EML4: variants seen among roughly 807,000 people sequenced by gnomAD.
EML4 encodes the protein echinoderm microtubule-associated protein-like 4.
In EML4, 72 loss-of-function variants were observed where a neutral mutation model predicts 129.0. That is an observed-to-expected ratio of 0.56 (90% confidence interval 0.46 to 0.68). EML4 has a LOEUF of 0.68. Ranked by LOEUF, EML4 falls within the 30% of genes least tolerant of loss-of-function variation. The pLI, the probability that EML4 is intolerant of heterozygous loss-of-function variation, is 0.00. For missense variants in EML4, 1,363 were observed against 1,190.6 expected, an observed-to-expected ratio of 1.14 and a Z score of -2.13; for synonymous variants, 532 against 405.0, an observed-to-expected ratio of 1.31 and a Z score of -3.77.
chr2:42,244,007 CAGTT>C (rs60130146), intron 1 of EML4, among the ~76,000 whole-genome samples: 92,131 of 151,356 alleles, frequency 0.61, 28,450 homozygotes, highest in East Asian at 0.73. Flanking sequence ...GTGTTTTTAA[CAGTT>C]AGTTATTTCC....
chr2:42,294,254 T>C (rs542966394), intron 11 of EML4, among the ~76,000 whole-genome samples: 21 of 152,368 alleles, frequency 1.4e-4, no homozygotes, highest in African/African-American at 4.6e-4. Context: ...TGCCTGTCTT[T>C]GCTAGATTTT....
At chr2:42,301,593 A>G (rs776037020) in intron 14 of EML4, among the ~76,000 whole-genome samples, 12 of 151,892 alleles carry the variant, frequency 7.9e-5, no homozygotes, top group African/African-American at 2.2e-4. Context: ...TTGAAAGACT[A>G]TTTTTAAAGA....
intron 1 of EML4, among the ~76,000 whole-genome samples, chr2:42,220,903 C>T (rs183090868): frequency 1.3e-5 from 2 of 152,266 alleles, no homozygotes; most frequent in Admixed American, 1.3e-4. Flanking sequence ...TAAGCCAAAG[C>T]CTAATCCAGA....
At chr2:42,197,574 AAAAC>A (rs373593933) in intron 1 of EML4, among the ~76,000 whole-genome samples, 11 of 152,172 alleles carry the variant, frequency 7.2e-5, no homozygotes, top group Non-Finnish European at 1.5e-4. Flanking sequence ...TCAGAAAAAA[AAAAC>A]AAAATGGTGT....
At chr2:42,238,710 G>A (rs1342298128) in intron 1 of EML4, among the ~76,000 whole-genome samples, 1 of 151,926 alleles carries the variant, frequency 6.6e-6, no homozygotes, top group African/African-American at 2.4e-5. Context: ...CTTGAACTGG[G>A]CTCAGACAAT....
intron 1 of EML4, among the ~76,000 whole-genome samples, chr2:42,204,155 A>G (rs559017522): frequency 7.4e-4 from 112 of 152,246 alleles, no homozygotes; most frequent in African/African-American, 2.5e-3. Context: ...CCTGGGCTCA[A>G]GTGATCCTCC....
chr2:42,227,346 A>C (rs780722860), intron 1 of EML4, among the ~76,000 whole-genome samples: 1 of 152,018 alleles, frequency 6.6e-6, no homozygotes, highest in South Asian at 2.1e-4. Context: ...GCCTCAAGCA[A>C]TGCTCCCACC....
intron 1 of EML4, among the ~76,000 whole-genome samples, chr2:42,214,476 T>C (rs558995070): frequency 6.6e-6 from 1 of 152,098 alleles, no homozygotes. Flanking sequence ...TGAAAATGAA[T>C]GTATTGCTAA....
At chr2:42,318,298 G>T (rs892763685) in intron 19 of EML4, among the ~76,000 whole-genome samples, 2 of 152,156 alleles carry the variant, frequency 1.3e-5, no homozygotes, top group Non-Finnish European at 2.9e-5. Context: ...ACAGATAAAA[G>T]AATTAGTTTT....
chr2:42,304,634 G>T, intron 17 of EML4, 83 bp downstream of exon 17: 1 of 1,028,550 alleles, frequency 9.7e-7, no homozygotes, highest in Admixed American at 1.7e-5. Context: ...CTGATCTGGA[G>T]AATTAATCTC....
intron 10 of EML4, among the ~76,000 whole-genome samples, 183 bp from the exon 11 acceptor site, chr2:42,288,044 C>G (rs754512998): frequency 6.6e-6 from 1 of 152,028 alleles, no homozygotes; most frequent in Non-Finnish European, 1.5e-5. Flanking sequence ...GTAAAAGAAT[C>G]TTTATATTTT....
chr2:42,303,545 C>A, intron 16 of EML4, 99 bp downstream of exon 16: 2 of 1,315,230 alleles, frequency 1.5e-6, no homozygotes, highest in Non-Finnish European at 2.1e-6. Context: ...TTGATTCAAA[C>A]CAAATGTAAA....
intron 10 of EML4, among the ~76,000 whole-genome samples, chr2:42,287,244 G>A (rs1667357604): frequency 6.6e-6 from 1 of 152,128 alleles, no homozygotes; most frequent in Non-Finnish European, 1.5e-5. Context: ...CTAGCTTGAA[G>A]GCACTGAATG....
At chr2:42,197,042 G>A (rs1394142889) in intron 1 of EML4, among the ~76,000 whole-genome samples, 1 of 152,128 alleles carries the variant, frequency 6.6e-6, no homozygotes, top group Non-Finnish European at 1.5e-5. Flanking sequence ...AGGAATCAAA[G>A]TAAATGTTGG....
chr2:42,216,670 CAT>C (rs1673212738), intron 1 of EML4, among the ~76,000 whole-genome samples: 3 of 152,128 alleles, frequency 2.0e-5, no homozygotes, highest in Admixed American at 2.0e-4. Flanking sequence ...GTAATTAAAA[CAT>C]GTTTTGAATG....
Position 42,329,897 on chromosome 2 carries a change from C to G in EML4, c.2636C>G (p.Thr879Ser). The G allele has an allele frequency of 6.2e-7, 1 of 1,614,092 alleles. No individual in the cohort carries two copies. Residue 879 changes from threonine to serine, a missense_variant, in exon 23 of 23, where the codon ACT becomes AGT. Thr to Ser is a moderately conservative substitution (Grantham distance 58). Coordinates refer to ENST00000318522, the MANE Select transcript of EML4 (RefSeq NM_019063.5). ...SLPQNETVADTTLTKAPVSST... is the reference protein window; with the variant it reads ...SLPQNETVADSTLTKAPVSST... ...CCTCAGAATGAGACTGTAGCGGATA[C>G]TACTCTAACCAAAGCCCCCGTCTCT...
chr2:42,245,445 C>A, intron 1 of EML4, 60 bp from the exon 2 acceptor site: 1 of 1,445,864 alleles, frequency 6.9e-7, no homozygotes, highest in Non-Finnish European at 9.4e-7. Flanking sequence ...TTTTTCTAAT[C>A]AGAAATTACT....
intron 1 of EML4, among the ~76,000 whole-genome samples, chr2:42,184,471 T>A (rs1050273117): frequency 3.0e-4 from 45 of 148,744 alleles, no homozygotes; most frequent in African/African-American, 8.7e-4. Flanking sequence ...CAAGTTTCTA[T>A]GAGATAAACT....
chr2:42,301,557 CAAAA>C (rs539122067), intron 14 of EML4, among the ~76,000 whole-genome samples, 165 bp downstream of exon 14: 2 of 143,144 alleles, frequency 1.4e-5, no homozygotes, highest in African/African-American at 5.1e-5. Context: ...TAACTTTTTT[CAAAA>C]AAAAAAGACC....
Sources: gnomAD v4.1 joint callset for allele counts (sites outside exome capture counted in the v4.1 genomes callset) on GRCh38, gnomAD v4.1.1 for gene constraint, MANE v1.5 for transcripts, NCBI Gene and HGNC (gene_info 2026-07-23, HGNC 2026-07-21) for gene names.